Variants in ZFHX3 observed in about 807,000 individuals in gnomAD.
ZFHX3 encodes the protein zinc finger homeobox 3, also known as zinc finger homeobox protein 3.
In ZFHX3, 42 loss-of-function variants were observed where a neutral mutation model predicts 279.1. That is an observed-to-expected ratio of 0.15 (90% confidence interval 0.12 to 0.19). The LOEUF (loss-of-function observed/expected upper bound fraction) is 0.19. ZFHX3 is among the 10% of genes least tolerant of loss of function. The pLI, the probability that ZFHX3 is intolerant of heterozygous loss-of-function variation, is 1.00. For synonymous variants in ZFHX3, 2,293 were observed against 1,957.8 expected (o/e 1.17, Z -4.52); for missense variants, 4,981 against 4,754.0 (o/e 1.05, Z -1.40).
chr16:73,792,861 C>CCA (rs1013390597), intron 1 of ZFHX3, among the ~76,000 whole-genome samples: 2 of 146,472 alleles, frequency 1.4e-5, no homozygotes, highest in East Asian at 4.1e-4. Flanking sequence ...AGTGCACCCC[C>CCA]CCCCTCCCCT....
At chr16:73,417,875 G>C (rs2017622979) in intron 3 of ZFHX3, among the ~76,000 whole-genome samples, 1 of 150,108 alleles carries the variant, frequency 6.7e-6, no homozygotes, top group Non-Finnish European at 1.5e-5. Context: ...TGTAGTCCCA[G>C]CTCCTCGGGA....
chr16:73,665,537 G>C (rs1597055333), intron 2 of ZFHX3, among the ~76,000 whole-genome samples: 1 of 151,896 alleles, frequency 6.6e-6, no homozygotes, highest in South Asian at 2.1e-4. Flanking sequence ...TTTAAGAAGA[G>C]GATGCTGAGA....
chr16:73,808,216 G>A (rs1422931857), intron 1 of ZFHX3, among the ~76,000 whole-genome samples: 2 of 152,202 alleles, frequency 1.3e-5, no homozygotes, highest in Non-Finnish European at 2.9e-5. Context: ...TAGATCATGA[G>A]CACATGCTCA....
intron 1 of ZFHX3, among the ~76,000 whole-genome samples, chr16:73,798,852 T>C (rs561517126): frequency 1.7e-4 from 26 of 152,264 alleles, no homozygotes; most frequent in African/African-American, 5.5e-4. Context: ...AGCTTGTCCG[T>C]CCCTCCTAGA....
chr16:73,855,392 G>A (rs1961702057), intron 1 of ZFHX3, among the ~76,000 whole-genome samples: 1 of 152,074 alleles, frequency 6.6e-6, no homozygotes, highest in African/African-American at 2.4e-5. Flanking sequence ...TGGCCTTCCT[G>A]AATTATCAGA....
chr16:73,591,417 G>T (rs1597015906), intron 2 of ZFHX3, among the ~76,000 whole-genome samples: 1 of 146,558 alleles, frequency 6.8e-6, no homozygotes, highest in Non-Finnish European at 1.5e-5. Context: ...GAGGGGGCCG[G>T]GTGCGGTGGC....
chr16:73,541,730 C>T (rs2020015317), intron 2 of ZFHX3, among the ~76,000 whole-genome samples: 1 of 150,298 alleles, frequency 6.7e-6, no homozygotes. Flanking sequence ...AGTCGCCATT[C>T]CTCCTTCTGT....
chr16:73,550,131 G>C (rs1231994476), intron 2 of ZFHX3, among the ~76,000 whole-genome samples: 1 of 152,146 alleles, frequency 6.6e-6, no homozygotes, highest in African/African-American at 2.4e-5. Flanking sequence ...TGGTCTCCGA[G>C]GTGAGGCCAG....
At chr16:73,718,647 G>A (rs555667397) in intron 1 of ZFHX3, among the ~76,000 whole-genome samples, 25 of 148,624 alleles carry the variant, frequency 1.7e-4, no homozygotes, top group African/African-American at 5.4e-4. Context: ...ACAGAGTCTC[G>A]CTCTGTCACC....
At chr16:73,500,396 C>T (rs866594924) in intron 2 of ZFHX3, among the ~76,000 whole-genome samples, 34 of 152,112 alleles carry the variant, frequency 2.2e-4, no homozygotes, top group Middle Eastern at 6.8e-3. Context: ...GGTGTGATCT[C>T]CGCTCACTGC....
chr16:73,440,919 CT>C (rs1403587045), intron 3 of ZFHX3, among the ~76,000 whole-genome samples: 16 of 152,176 alleles, frequency 1.1e-4, no homozygotes, highest in Non-Finnish European at 2.1e-4. Flanking sequence ...ATAGATTCAT[CT>C]TTAGTCACAA....
intron 4 of ZFHX3, among the ~76,000 whole-genome samples, chr16:73,291,125 T>C (rs2014758080): frequency 6.6e-6 from 1 of 152,206 alleles, no homozygotes. Flanking sequence ...GTGAAGCTGA[T>C]GACCAAGTGC....
chr16:72,805,013 T>C (rs1217320891), intron 7 of ZFHX3, among the ~76,000 whole-genome samples: 1 of 152,186 alleles, frequency 6.6e-6, no homozygotes, highest in African/African-American at 2.4e-5. Flanking sequence ...AGTTTCGCTC[T>C]GTTGCCCAGG....
intron 2 of ZFHX3, among the ~76,000 whole-genome samples, chr16:73,649,722 A>C (rs1722976050): frequency 6.6e-6 from 1 of 152,202 alleles, no homozygotes; most frequent in African/African-American, 2.4e-5. Flanking sequence ...AAGCTTATCT[A>C]ATAATGAGTT....
At chr16:73,013,717 G>A (rs924822399) in intron 1 of ZFHX3, among the ~76,000 whole-genome samples, 8 of 151,990 alleles carry the variant, frequency 5.3e-5, no homozygotes, top group African/African-American at 1.5e-4. Context: ...ATTTCATCTC[G>A]AAGCCTCTTC....
chr16:72,788,227 T>C lies in ZFHX3; in HGVS notation c.10049A>G (p.Gln3350Arg), dbSNP rs778957366. 3 of 1,613,878 alleles carry C rather than the reference T, an allele frequency of 1.9e-6. No individual in the cohort carries two copies. Among genetic ancestry groups the C allele is most frequent in the Non-Finnish European group, 1.7e-6 (2 of 1,179,844 alleles). The change falls in exon 10 of 10, where the codon CAG becomes CGG. Residue 3350 changes from glutamine (Q) to arginine (R), a missense_variant. Physicochemically the swap from Gln to Arg is conservative, Grantham distance 43 (BLOSUM62 1). Transcript: ENST00000268489. ...GCCTGGGGACAGCCCCATCAGGGCC[T>C]GCGACAGTGCAGGGCTGTAGGGGAA... ...GLFPYSPALS[Q>R]ALMGLSPGSL... is the part of the protein sequence containing the mutation.
intron 3 of ZFHX3, among the ~76,000 whole-genome samples, chr16:73,433,721 C>A (rs1368070978): frequency 6.6e-6 from 1 of 152,184 alleles, no homozygotes; most frequent in African/African-American, 2.4e-5. Flanking sequence ...AGACGCCCAG[C>A]CTGTACTGGC....
At chr16:73,466,741 T>C (rs1020408622) in intron 2 of ZFHX3, among the ~76,000 whole-genome samples, 5 of 152,284 alleles carry the variant, frequency 3.3e-5, no homozygotes, top group Admixed American at 3.3e-4. Flanking sequence ...AGTAGGCACC[T>C]ATGTTGTTAC....
In ZFHX3 at chr16:72,867,270, T is replaced by G. The variant is rs370255016; in HGVS notation, c.3448+22461A>C. Among the ~76,000 whole-genome samples, 38 of 152,244 alleles carry G rather than the reference T, an allele frequency of 2.5e-4. 1 individual carries two copies. Among genetic ancestry groups the G allele is most frequent in the African/African-American group, 9.2e-4 (38 of 41,470 alleles). The stretch of plus-strand genomic sequence containing the variant: ...TCAGTGTGGCATATTATGTGATTAC[T>G]CTGAGTGGTTACACAAAATTTAGAA... On this transcript the variant is annotated intron_variant, in intron 4 of 9. Coordinates refer to ENST00000268489, the MANE Select transcript of ZFHX3 (RefSeq NM_006885.4).
Sources: allele counts gnomAD v4.1 joint callset (sites outside exome capture counted in the v4.1 genomes callset), GRCh38; gene constraint gnomAD v4.1.1; transcripts MANE v1.5; gene names NCBI Gene and HGNC (gene_info 2026-07-23, HGNC 2026-07-21).